The following LIMK2 variants were observed in gnomAD, a reference collection of about 807,000 sequenced individuals.
The protein encoded by LIMK2 is LIM domain kinase 2.
Under a neutral mutation model 75.7 loss-of-function variants are expected in LIMK2, and 35 were observed. The ratio of observed to expected loss-of-function variants is 0.46; its 90% confidence interval spans 0.35 to 0.61. LIMK2 has a LOEUF of 0.61. Ranked by LOEUF, LIMK2 falls within the 20% of genes least tolerant of loss-of-function variation. The probability of loss-of-function intolerance (pLI) is 0.00; values close to 1 mark genes in which losing one functional copy is unlikely to be tolerated. For synonymous variants in LIMK2, 301 were observed against 319.2 expected (o/e 0.94, Z 0.61); for missense variants, 623 against 831.0 (o/e 0.75, Z 3.08).
At chr22:31,255,992 T>A (rs1026554285) in intron 2 of LIMK2, among the ~76,000 whole-genome samples, 12 of 102,224 alleles carry the variant, frequency 1.2e-4, no homozygotes, top group African/African-American at 4.6e-4. Context: ...TTTTTTTTTT[T>A]TTTTTTTTTT....
chr22:31,235,114 T>C (rs999329148), intron 2 of LIMK2, among the ~76,000 whole-genome samples: 1 of 152,204 alleles, frequency 6.6e-6, no homozygotes, highest in Admixed American at 6.5e-5. Flanking sequence ...AGACCTCTAA[T>C]AGAACAATTT....
At position 31,276,409 on chromosome 22, in the gene LIMK2, C is replaced by T. The variant is rs567429549; in HGVS notation, c.1772+1101C>T. Among the ~76,000 whole-genome samples, 3 of 151,832 alleles carry T rather than the reference C, an allele frequency of 2.0e-5. 1 individual carries two copies. The South Asian group carries it at 6.2e-4, about 32-fold the overall frequency. ...ACCCTCCCAGGATAACCAGTTGGGA[C>T]ATAATCTTTATTTAAAAATGGTTTC... On this transcript the variant is annotated intron_variant, in intron 15 of 15. Coordinates refer to ENST00000331728, the MANE Select transcript of LIMK2 (RefSeq NM_005569.4).
chr22:31,276,734 G>A (rs2049026935), intron 15 of LIMK2: 7 of 1,504,200 alleles, frequency 4.7e-6, no homozygotes, highest in South Asian at 2.5e-5. Flanking sequence ...TGGCGGCCCC[G>A]GCCCCGGCCC....
chr22:31,255,593 G>A (rs1295108579), intron 2 of LIMK2, among the ~76,000 whole-genome samples: 3 of 152,096 alleles, frequency 2.0e-5, no homozygotes, highest in Non-Finnish European at 2.9e-5. Flanking sequence ...TCTACCTCCC[G>A]CAGTGCTCAG....
intron 15 of LIMK2, chr22:31,276,708 G>A (rs1306659207): frequency 7.4e-7 from 1 of 1,344,764 alleles, no homozygotes. Context: ...CAGCGGCACC[G>A]CGGGGGGCGC....
At chr22:31,250,953 A>G (rs1430058637) in intron 2 of LIMK2, among the ~76,000 whole-genome samples, 1 of 152,234 alleles carries the variant, frequency 6.6e-6, no homozygotes, top group Non-Finnish European at 1.5e-5. Flanking sequence ...TGACGCAACC[A>G]GATTCCATGG....
chr22:31,245,272 G>A (rs918804998), intron 2 of LIMK2, among the ~76,000 whole-genome samples: 5 of 152,230 alleles, frequency 3.3e-5, no homozygotes, highest in Middle Eastern at 3.4e-3. Flanking sequence ...ATGGCCCATT[G>A]CCTATTTTAA....
At chr22:31,224,710 T>A (rs1057314713) in intron 1 of LIMK2, among the ~76,000 whole-genome samples, 3 of 152,244 alleles carry the variant, frequency 2.0e-5, no homozygotes, top group Non-Finnish European at 4.4e-5. Context: ...AAAATAATAC[T>A]TGGTTCTATC....
chr22:31,243,853 C>T (rs1056793120), intron 2 of LIMK2, among the ~76,000 whole-genome samples: 3 of 152,174 alleles, frequency 2.0e-5, no homozygotes, highest in African/African-American at 7.2e-5. Flanking sequence ...TGATGGGTGG[C>T]TTGGGCCCTT....
chr22:31,266,129 C>T lies in LIMK2; in HGVS notation c.1038C>T (p.Ile346=). ...VLGKGFFGQA[I]KVTHKATGKV... ...GGAAGGGCTTCTTTGGGCAGGCTAT[C>T]AAGGTGAGCGCAGGCAACAATTGCT... is the stretch of plus-strand genomic sequence containing the variant. Residue 346 remains isoleucine, a synonymous_variant, in exon 8 of 16, where the codon ATC becomes ATT. Transcript: ENST00000331728. 1.9e-6 allele frequency: 3 copies of T among 1,614,104 alleles called. No individual in the cohort carries two copies. The highest frequency in any genetic ancestry group is 1.6e-4 in the Middle Eastern group (1 of 6,062).
At chr22:31,222,067 TTTTTTTC>T (rs2048438802) in intron 1 of LIMK2, among the ~76,000 whole-genome samples, 1 of 151,940 alleles carries the variant, frequency 6.6e-6, no homozygotes, top group African/African-American at 2.4e-5. Flanking sequence ...TGTAGACAAC[TTTTTTTC>T]TTTTTTCTTT....
chr22:31,248,759 G>C, intron 2 of LIMK2: 1 of 1,614,202 alleles, frequency 6.2e-7, no homozygotes. Context: ...CACCTCCAGA[G>C]ACCTGTTTCG....
chr22:31,246,374 A>G (rs1404598087), intron 2 of LIMK2, among the ~76,000 whole-genome samples: 6 of 151,988 alleles, frequency 3.9e-5, no homozygotes, highest in African/African-American at 9.7e-5. Context: ...AAAAGAAAAA[A>G]AAAAAAAAGA....
At chr22:31,225,606 G>A in intron 1 of LIMK2, 114 bp from the exon 2 acceptor site, 2 of 752,472 alleles carry the variant, frequency 2.7e-6, no homozygotes, top group Admixed American at 2.1e-5. Flanking sequence ...CAGAGCATTG[G>A]CCTAACCCTT....
At chr22:31,250,078 A>G (rs900571389) in intron 2 of LIMK2, among the ~76,000 whole-genome samples, 1 of 152,028 alleles carries the variant, frequency 6.6e-6, no homozygotes, top group Non-Finnish European at 1.5e-5. Flanking sequence ...GGAAATTCTC[A>G]GGTTTGTTTT....
chr22:31,275,017 G>T, intron 14 of LIMK2, 134 bp from the exon 15 acceptor site: 1 of 806,898 alleles, frequency 1.2e-6, no homozygotes. Context: ...TTGGGGATTG[G>T]GGAGAGCTCT....
At chr22:31,269,053 TG>T (rs2048926955) in intron 11 of LIMK2, among the ~76,000 whole-genome samples, 1 of 121,070 alleles carries the variant, frequency 8.3e-6, no homozygotes. Context: ...TTTGTTTGTT[TG>T]TTTTTTTGTT....
chr22:31,267,926 A>G lies in LIMK2; in HGVS notation c.1260+19A>G. 6.3e-7 allele frequency: 1 copy of G among 1,578,938 alleles called. No homozygotes were observed. Among genetic ancestry groups the G allele is most frequent in the Non-Finnish European group, 8.6e-7 (1 of 1,164,472 alleles). Reference sequence around the variant, plus strand: ...CAGTATGGTGAGCACACCACCCCATAGTCTCCAGGAGCCTTGGTGGGTTGT... The same window carrying G: ...CAGTATGGTGAGCACACCACCCCATGGTCTCCAGGAGCCTTGGTGGGTTGT... On this transcript the variant is annotated intron_variant, in intron 10 of 15. Coordinates refer to ENST00000331728, the MANE Select transcript of LIMK2 (RefSeq NM_005569.4).
chr22:31,271,886 G>C (rs1293662264), intron 12 of LIMK2, among the ~76,000 whole-genome samples: 3 of 152,146 alleles, frequency 2.0e-5, no homozygotes, highest in African/African-American at 7.2e-5. Context: ...AGACAGGACA[G>C]GGAAAAACAA....
Sources: allele counts gnomAD v4.1 joint callset (sites outside exome capture counted in the v4.1 genomes callset), GRCh38; gene constraint gnomAD v4.1.1; transcripts MANE v1.5; gene names NCBI Gene and HGNC (gene_info 2026-07-23, HGNC 2026-07-21).